GSE1: variants seen among roughly 807,000 people sequenced by gnomAD.
GSE1 encodes the protein genetic suppressor element 1.
Under a neutral mutation model 112.6 loss-of-function variants are expected in GSE1, and 32 were observed. The observed-to-expected ratio is 0.28, with a 90% confidence interval of 0.21 to 0.38. The LOEUF (loss-of-function observed/expected upper bound fraction) is 0.38. Ranked by LOEUF, GSE1 falls within the 10% of genes least tolerant of loss-of-function variation. The pLI, the probability that GSE1 is intolerant of heterozygous loss-of-function variation, is 1.00. For missense variants in GSE1, 2,348 were observed against 1,699.2 expected (o/e 1.38, Z -6.71); for synonymous variants, 1,115 against 735.6 (o/e 1.52, Z -8.35).
At chr16:85,521,174 G>A (rs1043422583) in intron 2 of GSE1, among the ~76,000 whole-genome samples, 5 of 152,182 alleles carry the variant, frequency 3.3e-5, no homozygotes, top group South Asian at 2.1e-4. Context: ...ATTGCCATCC[G>A]CTGATACTTG....
In GSE1 at chr16:85,663,083, C is replaced by A; in HGVS notation, c.2363C>A (p.Thr788Lys). ...VAEQPPLKLD[T>K]SSEKLEFLQL... ...GAGCAGCCGCCCCTCAAACTGGACA[C>A]GTCCTCTGAGGTACTGGGCTCTCCT... Residue 788 changes from threonine to lysine, a missense_variant, in exon 10 of 16, where the codon ACG becomes AAG. Physicochemically the swap from Thr to Lys is moderately conservative, Grantham distance 78. Coordinates refer to ENST00000253458, the MANE Select transcript of GSE1 (RefSeq NM_014615.5). 2 of 1,605,796 alleles carry A rather than the reference C, an allele frequency of 1.2e-6. No homozygotes were observed. Among genetic ancestry groups the A allele is most frequent in the Non-Finnish European group, 1.7e-6 (2 of 1,173,736 alleles).
chr16:85,307,385 C>T (rs985283194), intron 1 of GSE1, among the ~76,000 whole-genome samples: 2 of 152,328 alleles, frequency 1.3e-5, no homozygotes, highest in Non-Finnish European at 2.9e-5. Context: ...GCTCAGGGGG[C>T]CCCAGGACAG....
At chr16:85,266,704 C>T (rs1908279585) in intron 1 of GSE1, among the ~76,000 whole-genome samples, 1 of 146,102 alleles carries the variant, frequency 6.8e-6, no homozygotes, top group South Asian at 2.1e-4. Context: ...AAGGTGAGGG[C>T]AGCATGAAGG....
At chr16:85,474,012 G>A (rs1463189051) in intron 2 of GSE1, among the ~76,000 whole-genome samples, 1 of 152,182 alleles carries the variant, frequency 6.6e-6, no homozygotes, top group Non-Finnish European at 1.5e-5. Flanking sequence ...ACCAGCACAG[G>A]CGGGCAGGGT....
At chr16:85,319,868 G>T (rs779724596) in intron 1 of GSE1, among the ~76,000 whole-genome samples, 1 of 152,200 alleles carries the variant, frequency 6.6e-6, no homozygotes, top group African/African-American at 2.4e-5. Context: ...GTTTGAGGCA[G>T]CACCTAGCAT....
chr16:85,347,776 A>G (rs2046773381), intron 1 of GSE1, among the ~76,000 whole-genome samples: 1 of 123,276 alleles, frequency 8.1e-6, no homozygotes, highest in African/African-American at 2.8e-5. Flanking sequence ...GGCTGCGGGC[A>G]TTGCAAAAGC....
chr16:85,444,583 C>T (rs1379210848), intron 2 of GSE1, among the ~76,000 whole-genome samples: 2 of 152,150 alleles, frequency 1.3e-5, no homozygotes, highest in African/African-American at 4.8e-5. Flanking sequence ...CACGGCCTGC[C>T]AGCTTGGCAG....
intron 1 of GSE1, among the ~76,000 whole-genome samples, chr16:85,575,303 T>C (rs2046183552): frequency 2.0e-5 from 3 of 152,220 alleles, no homozygotes; most frequent in African/African-American, 7.2e-5. Flanking sequence ...CACTCCAGGA[T>C]TTGTGTTTAC....
intron 1 of GSE1, among the ~76,000 whole-genome samples, chr16:85,262,299 G>C (rs1172096561): frequency 2.0e-5 from 3 of 152,212 alleles, no homozygotes; most frequent in African/African-American, 7.2e-5. Flanking sequence ...GTTCTGCTTT[G>C]AACATATTTC....
intron 1 of GSE1, among the ~76,000 whole-genome samples, chr16:85,266,748 T>C (rs1441928019): frequency 1.1e-5 from 1 of 93,254 alleles, no homozygotes; most frequent in Non-Finnish European, 2.1e-5. Flanking sequence ...ATGCTGGGGC[T>C]GGGAGGGGTG....
intron 2 of GSE1, among the ~76,000 whole-genome samples, chr16:85,635,090 C>G (rs528056417): frequency 1.3e-5 from 2 of 152,194 alleles, no homozygotes; most frequent in African/African-American, 2.4e-5. Flanking sequence ...CTTTACATTA[C>G]CCGGGTTCCA....
At chr16:85,240,711 T>G (rs916408124) in intron 1 of GSE1, among the ~76,000 whole-genome samples, 3 of 152,196 alleles carry the variant, frequency 2.0e-5, no homozygotes, top group African/African-American at 7.2e-5. Context: ...ATGCTGCCCA[T>G]AAGGACTGCC....
intron 2 of GSE1, among the ~76,000 whole-genome samples, chr16:85,449,025 A>G (rs2049593295): frequency 6.6e-6 from 1 of 151,908 alleles, no homozygotes. Context: ...AGGCGTCAAT[A>G]TTGACTCTGT....
intron 1 of GSE1, among the ~76,000 whole-genome samples, chr16:85,279,409 C>T (rs942508465): frequency 6.6e-6 from 1 of 152,178 alleles, no homozygotes; most frequent in Non-Finnish European, 1.5e-5. Flanking sequence ...GAGTCTGAGA[C>T]CAGTCTGGGC....
intron 1 of GSE1, chr16:85,594,239 G>A (rs1387195537): frequency 7.3e-6 from 1 of 136,962 alleles, no homozygotes; most frequent in Non-Finnish European, 1.6e-5. Context: ...GGGTTGGGGG[G>A]GGGGGGCGGA....
chr16:85,624,574 C>G (rs536647132), intron 1 of GSE1, among the ~76,000 whole-genome samples: 5 of 152,246 alleles, frequency 3.3e-5, no homozygotes, highest in Admixed American at 6.5e-5. Flanking sequence ...CATTTCCAAT[C>G]TCTTCGCACA....
chr16:85,391,553 A>T (rs2047838949), intron 2 of GSE1, among the ~76,000 whole-genome samples: 2 of 152,182 alleles, frequency 1.3e-5, no homozygotes, highest in Non-Finnish European at 2.9e-5. Flanking sequence ...GCATCACTCC[A>T]GTGTCTGCGG....
At chr16:85,292,142 C>CTTTT (rs34933476) in intron 1 of GSE1, among the ~76,000 whole-genome samples, 1 of 137,842 alleles carries the variant, frequency 7.3e-6, no homozygotes, top group African/African-American at 2.7e-5. Flanking sequence ...AAGAATGAAC[C>CTTTT]TTTTTTTTTT....
At chr16:85,634,874 G>A (rs1276762120) in intron 2 of GSE1, among the ~76,000 whole-genome samples, 1 of 152,200 alleles carries the variant, frequency 6.6e-6, no homozygotes, top group African/African-American at 2.4e-5. Flanking sequence ...GGGAGGGGCA[G>A]TGGGCGGCTG....
Sources: gnomAD v4.1 joint callset for allele counts (sites outside exome capture counted in the v4.1 genomes callset) on GRCh38, gnomAD v4.1.1 for gene constraint, MANE v1.5 for transcripts, NCBI Gene and HGNC (gene_info 2026-07-23, HGNC 2026-07-21) for gene names.